The following NRXN1 variants were observed in gnomAD, a reference collection of about 807,000 sequenced individuals.
NRXN1 encodes the protein neurexin-1.
A neutral mutation model predicts 150.9 loss-of-function variants in NRXN1; 39 were observed. The observed-to-expected ratio is 0.26, with a 90% CI of 0.20 to 0.34. NRXN1 has a LOEUF of 0.34. NRXN1 is among the 10% of genes least tolerant of loss of function. NRXN1 has a pLI of 1.00. For missense variants in NRXN1, 1,815 were observed against 1,949.9 expected, an observed-to-expected ratio of 0.93 and a Z score of 1.30; for synonymous variants, 924 against 757.0, an observed-to-expected ratio of 1.22 and a Z score of -3.62.
intron 2 of NRXN1, among the ~76,000 whole-genome samples, chr2:50,942,365 G>T (rs533003637): frequency 6.6e-6 from 1 of 152,178 alleles, no homozygotes; most frequent in Non-Finnish European, 1.5e-5. Flanking sequence ...TAGTGGAGTT[G>T]TGAGAAGGCA....
chr2:50,927,214 C>A (rs1427737847), intron 2 of NRXN1, among the ~76,000 whole-genome samples: 1 of 151,912 alleles, frequency 6.6e-6, no homozygotes, highest in African/African-American at 2.4e-5. Flanking sequence ...TGATTAGGTT[C>A]ACCTAAAACC....
chr2:50,091,295 T>C, intron 19 of NRXN1, 28 bp downstream of exon 19: 1 of 1,613,382 alleles, frequency 6.2e-7, no homozygotes. Flanking sequence ...TCATAAAATC[T>C]TCCCCCGATA....
intron 5 of NRXN1, among the ~76,000 whole-genome samples, chr2:50,789,900 G>A (rs1350907765): frequency 6.6e-6 from 1 of 152,048 alleles, no homozygotes; most frequent in South Asian, 2.1e-4. Context: ...GGATAAAGAG[G>A]AATTCCTCAA....
intron 18 of NRXN1, among the ~76,000 whole-genome samples, chr2:50,131,455 C>T (rs1434189861): frequency 7.9e-5 from 12 of 152,118 alleles, no homozygotes; most frequent in Admixed American, 7.2e-4. Flanking sequence ...GAACTAGTTA[C>T]AATTTAGGAG....
chr2:51,023,008 A>T (rs1338593443), intron 2 of NRXN1, among the ~76,000 whole-genome samples: 4 of 152,160 alleles, frequency 2.6e-5, no homozygotes, highest in Non-Finnish European at 5.9e-5. Flanking sequence ...GGTAGAACCA[A>T]AGTGTTCTGA....
chr2:50,623,808 TA>T (rs1283629980), intron 5 of NRXN1, among the ~76,000 whole-genome samples, 193 bp from the exon 6 acceptor site: 2 of 152,104 alleles, frequency 1.3e-5, no homozygotes. Flanking sequence ...TATTATACTT[TA>T]AGTTTTAGGG....
At chr2:50,099,271 A>T (rs1700691661) in intron 18 of NRXN1, among the ~76,000 whole-genome samples, 1 of 152,144 alleles carries the variant, frequency 6.6e-6, no homozygotes, top group South Asian at 2.1e-4. Flanking sequence ...GTAGGAAAAA[A>T]GCCTGGTGTA....
At chr2:50,795,495 C>T (rs953459585) in intron 5 of NRXN1, among the ~76,000 whole-genome samples, 3 of 151,924 alleles carry the variant, frequency 2.0e-5, no homozygotes, top group Non-Finnish European at 2.9e-5. Context: ...CTTTTCTTGC[C>T]TCTTCCTGCT....
At chr2:50,217,856 TAGATA>T (rs1414262562) in intron 18 of NRXN1, among the ~76,000 whole-genome samples, 8 of 152,224 alleles carry the variant, frequency 5.3e-5, no homozygotes, top group African/African-American at 1.7e-4. Context: ...ATTGAAAAAC[TAGATA>T]AGATATTTCC....
At chr2:51,014,944 C>G (rs1668437576) in intron 2 of NRXN1, among the ~76,000 whole-genome samples, 1 of 152,006 alleles carries the variant, frequency 6.6e-6, no homozygotes, top group African/African-American at 2.4e-5. Context: ...GAAATGACAG[C>G]TAGAGACAAA....
chr2:50,308,077 T>G (rs888761722), intron 17 of NRXN1, among the ~76,000 whole-genome samples: 1 of 152,174 alleles, frequency 6.6e-6, no homozygotes, highest in African/African-American at 2.4e-5. Context: ...AGTTACCAGT[T>G]ACGGTTACCT....
chr2:50,668,797 A>T (rs958822641), intron 5 of NRXN1, among the ~76,000 whole-genome samples: 4 of 152,016 alleles, frequency 2.6e-5, no homozygotes, highest in Admixed American at 2.6e-4. Context: ...GAGATACAGC[A>T]TTATGGAATA....
intron 5 of NRXN1, among the ~76,000 whole-genome samples, chr2:50,668,287 T>C (rs918686578): frequency 6.6e-6 from 1 of 151,982 alleles, no homozygotes; most frequent in Non-Finnish European, 1.5e-5. Context: ...CCTTACTTAA[T>C]CAGTGTTCTT....
intron 2 of NRXN1, among the ~76,000 whole-genome samples, chr2:50,981,441 G>A (rs1279966496): frequency 3.0e-5 from 2 of 66,350 alleles, no homozygotes; most frequent in Non-Finnish European, 5.1e-5. Context: ...CTGGGTGACA[G>A]ATAGAAACTC....
intron 5 of NRXN1, among the ~76,000 whole-genome samples, chr2:50,647,523 C>T (rs1684992739): frequency 6.6e-6 from 1 of 151,906 alleles, no homozygotes; most frequent in Non-Finnish European, 1.5e-5. Flanking sequence ...TGTATAATCA[C>T]ACAAGCACGT....
At chr2:50,043,946 G>A (rs1467217673) in intron 21 of NRXN1, among the ~76,000 whole-genome samples, 2 of 151,884 alleles carry the variant, frequency 1.3e-5, no homozygotes, top group Non-Finnish European at 2.9e-5. Flanking sequence ...CTAGAATAAG[G>A]CCTAGCATAT....
At chr2:50,492,979 G>A (rs2091345761) in intron 15 of NRXN1, among the ~76,000 whole-genome samples, 1 of 152,164 alleles carries the variant, frequency 6.6e-6, no homozygotes, top group African/African-American at 2.4e-5. Flanking sequence ...GTTGGTCTGA[G>A]ATAGGATCCA....
intron 5 of NRXN1, among the ~76,000 whole-genome samples, chr2:50,683,600 C>T (rs1304522583): frequency 2.0e-5 from 2 of 101,152 alleles, no homozygotes; most frequent in Non-Finnish European, 3.9e-5. Flanking sequence ...CCACTGCACT[C>T]CAGCCTGGGT....
intron 21 of NRXN1, among the ~76,000 whole-genome samples, chr2:50,014,910 A>C (rs1048283629): frequency 2.2e-4 from 34 of 152,300 alleles, no homozygotes; most frequent in African/African-American, 7.2e-4. Context: ...TTTAAATTTT[A>C]GGTAATGCTA....
Sources: gnomAD v4.1 joint callset for allele counts (sites outside exome capture counted in the v4.1 genomes callset) on GRCh38, gnomAD v4.1.1 for gene constraint, MANE v1.5 for transcripts, NCBI Gene and HGNC (gene_info 2026-07-23, HGNC 2026-07-21) for gene names.